VPS35: variants seen among roughly 807,000 people sequenced by gnomAD.
The protein encoded by VPS35 is vacuolar protein sorting-associated protein 35.
Under a neutral mutation model 98.1 loss-of-function variants are expected in VPS35, and 21 were observed. That is an observed-to-expected ratio of 0.21 (90% confidence interval 0.15 to 0.31). VPS35 has a LOEUF of 0.31. Among genes scored for constraint, VPS35 ranks in the 10% least tolerant of loss-of-function variants. The probability of loss-of-function intolerance (pLI) is 1.00; values close to 1 mark genes in which losing one functional copy is unlikely to be tolerated. For missense variants in VPS35, 554 were observed against 950.8 expected, an observed-to-expected ratio of 0.58 and a Z score of 5.49; for synonymous variants, 268 against 318.2, an observed-to-expected ratio of 0.84 and a Z score of 1.68.
Position 46,661,669 on chromosome 16 carries a change from A to C in VPS35, c.2211+49T>G, listed in dbSNP as rs1965916451. The C allele has an allele frequency of 1.3e-6, 2 of 1,527,942 alleles. No individual in the cohort carries two copies. Among genetic ancestry groups the C allele is most frequent in the Non-Finnish European group, 1.8e-6 (2 of 1,103,258 alleles). 94.6% of individuals were successfully genotyped at this position (1,527,942 alleles called of 1,614,324 possible). ...TGTACATATCAAATCTCCTAAGAGT[A>C]GGAAGGGAAAATATTAGTTTATTAA... On this transcript the variant is annotated intron_variant, in intron 16 of 16. Transcript: ENST00000299138. This position sits in a 1 kb window ranked among gnomAD's most constrained non-coding sequence, Gnocchi z 4.3.
At chr16:46,672,187 T>G in intron 11 of VPS35, 78 bp downstream of exon 11, 2 of 1,243,524 alleles carry the variant, frequency 1.6e-6, no homozygotes, top group Non-Finnish European at 2.4e-6. Context: ...TACCCTCCCC[T>G]CCCATCTCAG....
intron 1 of VPS35, 36 bp downstream of exon 1, chr16:46,689,095 G>T (rs1413030554): frequency 6.2e-7 from 1 of 1,604,306 alleles, no homozygotes; most frequent in Admixed American, 1.7e-5. Context: ...CTACAAGGAG[G>T]GTCGACCCAG....
At chr16:46,677,974 GT>G (rs929397419) in intron 6 of VPS35, among the ~76,000 whole-genome samples, 9 of 152,162 alleles carry the variant, frequency 5.9e-5, no homozygotes, top group Non-Finnish European at 1.3e-4. Flanking sequence ...AAGGTTCAGG[GT>G]TTTTTGTTTG....
intron 16 of VPS35, 60 bp from the exon 17 acceptor site, chr16:46,660,711 T>A: frequency 6.7e-7 from 1 of 1,497,034 alleles, no homozygotes; most frequent in Admixed American, 1.7e-5. Flanking sequence ...TGAAAGGCAA[T>A]TTAATAAAAC....
At chr16:46,679,417 G>T (rs1277720454) in intron 5 of VPS35, among the ~76,000 whole-genome samples, 1 of 152,080 alleles carries the variant, frequency 6.6e-6, no homozygotes, top group Non-Finnish European at 1.5e-5. Flanking sequence ...TGCTCTTATG[G>T]CAACTTCCTT....
chr16:46,660,329 G>C lies in VPS35; in HGVS notation c.*143C>G. The C allele has an allele frequency of 2.2e-5, 21 of 957,718 alleles. No individual in the cohort carries two copies. Among genetic ancestry groups the C allele is most frequent in the Non-Finnish European group, 3.4e-5 (21 of 625,658 alleles). 59.3% of individuals were successfully genotyped at this position (957,718 alleles called of 1,614,324 possible). ...AGGTCCTGAAGGTGAGTGTCCGGAG[G>C]TGCTGGGTAAAACACATCACAGGTA... On this transcript the variant is annotated 3_prime_UTR_variant, in exon 17 of 17. Coordinates refer to ENST00000299138, the MANE Select transcript of VPS35 (RefSeq NM_018206.6).
In VPS35 at chr16:46,661,221, T is replaced by G. The variant is rs1310335191; in HGVS notation, c.2211+497A>C. On this transcript the variant is annotated intron_variant, in intron 16 of 16. Transcript: ENST00000299138. The surrounding 1 kb of genome is among the most constrained non-coding windows in gnomAD (Gnocchi z 4.3). Reference sequence around the variant, plus strand: ...TGTATTGCTAAAAGGATACTGCGTTTAGGAATTATTATTATTATTATTTTT... The same window carrying G: ...TGTATTGCTAAAAGGATACTGCGTTGAGGAATTATTATTATTATTATTTTT... Among the ~76,000 whole-genome samples the G allele has an allele frequency of 6.6e-6, 1 of 152,190 alleles. No homozygotes were observed. The highest frequency in any genetic ancestry group is 1.5e-5 in the Non-Finnish European group (1 of 68,040).
At chr16:46,678,371 G>A (rs1351757876) in intron 6 of VPS35, among the ~76,000 whole-genome samples, 1 of 148,308 alleles carries the variant, frequency 6.7e-6, no homozygotes, top group South Asian at 2.1e-4. Context: ...ACAAACTTAT[G>A]TTGGGCCATA....
chr16:46,661,583 C>T lies in VPS35; in HGVS notation c.2211+135G>A. On this transcript the variant is annotated intron_variant, in intron 16 of 16. Transcript: ENST00000299138. The surrounding 1 kb of genome is among the most constrained non-coding windows in gnomAD (Gnocchi z 4.3). ...GACAAATTAGCCTATTATTTGACAT[C>T]TGTAAATTATTTTACATTTTTCAAA... 1 of 863,512 alleles carries T rather than the reference C, an allele frequency of 1.2e-6. No homozygotes were observed. The highest frequency in any genetic ancestry group is 1.7e-5 in the South Asian group (1 of 60,038). The allele number at this position is 863,512 out of a possible 1,614,324, so 53.5% of individuals were successfully genotyped here. A position where few individuals can be genotyped will look rare whatever the true frequency, so the allele number is the denominator to read the frequency against.
rs1318650833 is a variant in VPS35, at chr16:46,659,740, CCTG to C, written c.*729_*731del. The C allele has an allele frequency of 1.3e-5, 2 of 151,836 alleles. No individual in the cohort carries two copies. Among genetic ancestry groups the C allele is most frequent in the East Asian group, 3.9e-4 (2 of 5,194 alleles). 9.4% of individuals were successfully genotyped at this position (151,836 alleles called of 1,614,324 possible). On this transcript the variant is annotated 3_prime_UTR_variant, in exon 17 of 17. Transcript: ENST00000299138. ...AAAAAATCATAATTGTGATGCATTT[CCTG>C]CTAAATTTACAATGAAGGTGATACA...
intron 4 of VPS35, 48 bp from the exon 5 acceptor site, chr16:46,680,901 C>G: frequency 3.2e-6 from 5 of 1,568,406 alleles, no homozygotes; most frequent in Non-Finnish European, 4.4e-6. Context: ...ATATTCAAAT[C>G]AAGAATTTAT....
intron 1 of VPS35, among the ~76,000 whole-genome samples, chr16:46,687,701 T>C (rs541836995): frequency 2.3e-4 from 35 of 152,280 alleles, no homozygotes; most frequent in Admixed American, 7.8e-4. Context: ...AGATGTTTGA[T>C]GAATTGAAGT....
At chr16:46,669,589 C>T (rs1264473472) in intron 12 of VPS35, among the ~76,000 whole-genome samples, 1 of 151,658 alleles carries the variant, frequency 6.6e-6, no homozygotes, top group Non-Finnish European at 1.5e-5. Flanking sequence ...ATTGCTTGAA[C>T]CCAGGAGATG....
At position 46,660,869 on chromosome 16, in the gene VPS35, G is replaced by A. The variant is rs190723691; in HGVS notation, c.2212-218C>T. 738 of 537,958 alleles carry A rather than the reference G, an allele frequency of 1.4e-3. 3 individuals are homozygous for A. The highest frequency in any genetic ancestry group is 1.3e-3 in the Non-Finnish European group (371 of 291,368). The allele number at this position is 537,958 out of a possible 1,614,324, so 33.3% of individuals were successfully genotyped here. On this transcript the variant is annotated intron_variant, in intron 16 of 16. Coordinates refer to ENST00000299138, the MANE Select transcript of VPS35 (RefSeq NM_018206.6). ...CCTTTAAAACAAGCAAAATTGGCTCGGCTCAGTGGCTCATCCCTGTACTCC... is the reference window on the plus strand; with the variant it reads ...CCTTTAAAACAAGCAAAATTGGCTCAGCTCAGTGGCTCATCCCTGTACTCC...
rs1307257172 is a variant in VPS35 at position 46,660,460 on chromosome 16, G to A, written c.*12C>T. 6.2e-7 allele frequency: 1 copy of A among 1,613,100 alleles called. No homozygotes were observed. Among genetic ancestry groups the A allele is most frequent in the Non-Finnish European group, 8.5e-7 (1 of 1,179,942 alleles). Reference sequence around the variant, plus strand: ...ATGTACATGGAAAGGAGTATGGTGAGCTATTTCCTTTTTAAAGGATGAGAC... The same window carrying A: ...ATGTACATGGAAAGGAGTATGGTGAACTATTTCCTTTTTAAAGGATGAGAC... On this transcript the variant is annotated 3_prime_UTR_variant, in exon 17 of 17. Coordinates refer to ENST00000299138, the MANE Select transcript of VPS35 (RefSeq NM_018206.6).
chr16:46,678,462 T>C (rs1327224844), intron 6 of VPS35, among the ~76,000 whole-genome samples: 1 of 152,244 alleles, frequency 6.6e-6, no homozygotes, highest in Non-Finnish European at 1.5e-5. Context: ...ATTTATTATC[T>C]GGTCCCTCAC....
At chr16:46,684,608 T>A (rs1966284307) in intron 1 of VPS35, among the ~76,000 whole-genome samples, 1 of 152,182 alleles carries the variant, frequency 6.6e-6, no homozygotes, top group Non-Finnish European at 1.5e-5. Context: ...ATTAACCACT[T>A]CTTCAAGTCA....
rs114341620 is a variant in VPS35, at chr16:46,687,723, T to A, written c.3+1408A>T. On this transcript the variant is annotated intron_variant, in intron 1 of 16. Transcript: ENST00000299138. The stretch of plus-strand genomic sequence containing the variant: ...TGATGAATTGAAGTGGATTCTGGAA[T>A]TTTAGGGCTGGGAAGGGCCAAAGGG... 7.8e-3 allele frequency among the ~76,000 whole-genome samples: 1,192 copies of A among 152,240 alleles called. 18 individuals are homozygous for A. Among genetic ancestry groups the A allele is most frequent in the African/African-American group, 0.027 (1,130 of 41,532 alleles).
chr16:46,674,341 T>C lies in VPS35; in HGVS notation c.1133A>G (p.Glu378Gly), dbSNP rs1166417765. The change falls in exon 10 of 17, where the codon GAG becomes GGG. Residue 378 changes from glutamate to glycine, a missense_variant. This residue lies in a region of VPS35 where 254 missense variants were observed against 390.1 expected (regional missense o/e 0.65). Coordinates refer to ENST00000299138, the MANE Select transcript of VPS35 (RefSeq NM_018206.6). ...TTCAAGGTTGAGCTTATTGAATATC[T>C]CCACTGTTGTTTCTAGAACTTTATC... ...YVDKVLETTV[E>G]IFNKLNLEHI... 2 of 1,614,000 alleles carry C rather than the reference T, an allele frequency of 1.2e-6. No individual in the cohort carries two copies. The highest frequency in any genetic ancestry group is 3.3e-5 in the Admixed American group (2 of 59,982).
Sources: gnomAD v4.1 joint callset for allele counts (sites outside exome capture counted in the v4.1 genomes callset) on GRCh38, gnomAD v4.1.1 for gene constraint, gnomAD v4.1.1 regional missense constraint, Gnocchi (gnomAD v3.1) non-coding constraint, MANE v1.5 for transcripts, NCBI Gene and HGNC (gene_info 2026-07-23, HGNC 2026-07-21) for gene names.